Variants in KCNK13 observed in about 807,000 individuals in gnomAD.
KCNK13 encodes the protein potassium channel subfamily K member 13.
Under a neutral mutation model 23.4 loss-of-function variants are expected in KCNK13, and 12 were observed. The ratio of observed to expected loss-of-function variants is 0.51; its 90% CI spans 0.33 to 0.83. The LOEUF is 0.83. Ranked by LOEUF, KCNK13 falls within the 40% of genes least tolerant of loss-of-function variation. The pLI is 0.02. For missense variants in KCNK13, 463 were observed against 556.3 expected, an observed-to-expected ratio of 0.83 and a Z score of 1.69; for synonymous variants, 231 against 229.5, an observed-to-expected ratio of 1.01 and a Z score of -0.06.
In KCNK13 at chr14:90,062,387, G is replaced by T; in HGVS notation, c.182G>T (p.Ser61Ile). ...QRWEERLANFSRGHNLSRDEL... is the reference protein window; with the variant it reads ...QRWEERLANFIRGHNLSRDEL... ...TGGGAGGAGCGCCTGGCCAACTTCA[G>T]CCGCGGCCACAACCTGAGCCGCGAC... Residue 61 changes from serine (S) to isoleucine (I), a missense_variant, in exon 1 of 2, where the codon AGC becomes ATC. By Grantham distance (142) the Ser-to-Ile change is moderately radical. This residue lies in a region of KCNK13 where 153 missense variants were observed against 153.6 expected (regional missense o/e 1.00). Transcript: ENST00000282146. This position sits in a 1 kb window ranked among gnomAD's most constrained non-coding sequence, Gnocchi z 4.5. 1 of 1,550,334 alleles carries T rather than the reference G, an allele frequency of 6.5e-7. No individual in the cohort carries two copies.
intron 1 of KCNK13, among the ~76,000 whole-genome samples, chr14:90,076,120 A>T (rs1220744564): frequency 6.6e-6 from 1 of 152,246 alleles, no homozygotes; most frequent in Non-Finnish European, 1.5e-5. Context: ...GTCTCAAGGT[A>T]CTAGTGTTCC....
intron 1 of KCNK13, among the ~76,000 whole-genome samples, chr14:90,083,449 A>C (rs551118379): frequency 2.0e-5 from 3 of 152,190 alleles, no homozygotes; most frequent in Non-Finnish European, 2.9e-5. Context: ...ATTTTTGTGC[A>C]TGGTATGAAA....
At chr14:90,117,698 G>C (rs1889692980) in intron 1 of KCNK13, among the ~76,000 whole-genome samples, 1 of 152,140 alleles carries the variant, frequency 6.6e-6, no homozygotes, top group Non-Finnish European at 1.5e-5. Flanking sequence ...CTTACGTAAG[G>C]GGGGACCACT....
intron 1 of KCNK13, among the ~76,000 whole-genome samples, chr14:90,161,529 A>G (rs1333055516): frequency 6.6e-6 from 1 of 152,238 alleles, no homozygotes; most frequent in East Asian, 1.9e-4. Context: ...CATCTGCAAT[A>G]TCTACAAAAG....
chr14:90,080,712 C>T (rs369262163), intron 1 of KCNK13, among the ~76,000 whole-genome samples: 27 of 152,118 alleles, frequency 1.8e-4, no homozygotes, highest in African/African-American at 6.0e-4. Flanking sequence ...CAGGGTTCCC[C>T]GTTAGGATAC....
At chr14:90,105,391 G>A (rs1323818977) in intron 1 of KCNK13, among the ~76,000 whole-genome samples, 4 of 151,976 alleles carry the variant, frequency 2.6e-5, no homozygotes, top group East Asian at 1.9e-4. Context: ...TAGAGTCCTC[G>A]CCTGAAATCA....
chr14:90,062,549 C>T lies in KCNK13; in HGVS notation c.334+10C>T. 6.9e-7 allele frequency: 1 copy of T among 1,452,942 alleles called. No homozygotes were observed. Among genetic ancestry groups the T allele is most frequent in the East Asian group, 2.7e-5 (1 of 37,472 alleles). 90.0% of individuals were successfully genotyped at this position (1,452,942 alleles called of 1,614,324 possible). On this transcript the variant is annotated intron_variant, in intron 1 of 1. Coordinates refer to ENST00000282146, the MANE Select transcript of KCNK13 (RefSeq NM_022054.4). The surrounding 1 kb of genome is among the most constrained non-coding windows in gnomAD (Gnocchi z 4.5). ...GTCGTTTCCACCATAGGTAAGTGTG[C>T]TGGCCGGACTCGCTGACAACCTCCG...
chr14:90,165,824 C>T (rs956883771), intron 1 of KCNK13, among the ~76,000 whole-genome samples: 1 of 152,096 alleles, frequency 6.6e-6, no homozygotes, highest in East Asian at 1.9e-4. Context: ...CCTGGCTGAC[C>T]GTGAGGAGGG....
At chr14:90,107,172 A>G (rs748665884) in intron 1 of KCNK13, among the ~76,000 whole-genome samples, 2 of 152,074 alleles carry the variant, frequency 1.3e-5, no homozygotes, top group African/African-American at 2.4e-5. Flanking sequence ...GATGGTGCAC[A>G]TTTGGTTACT....
intron 1 of KCNK13, among the ~76,000 whole-genome samples, chr14:90,069,390 G>A (rs997524888): frequency 6.6e-6 from 1 of 152,068 alleles, no homozygotes; most frequent in African/African-American, 2.4e-5. Context: ...CTGTCCCGGG[G>A]TGTGGCCCAT....
At position 90,184,548 on chromosome 14, in the gene KCNK13, C is replaced by T. The variant is rs745700588; in HGVS notation, c.772C>T (p.Arg258Cys). The T allele has an allele frequency of 2.4e-5, 38 of 1,614,154 alleles. No individual in the cohort carries two copies. Among genetic ancestry groups the T allele is most frequent in the African/African-American group, 5.3e-5 (4 of 74,944 alleles). ...NAHYESQGLY[R>C]FANFVFILMG... ...CCACTATGAGAGCCAAGGCCTCTAT[C>T]GCTTTGCCAACTTCGTCTTCATCCT... Residue 258 changes from arginine (R) to cysteine (C), a missense_variant, in exon 2 of 2, where the codon CGC becomes TGC. Physicochemically the swap from Arg to Cys is radical, Grantham distance 180. Around this residue, in one of 3 missense-constraint regions of KCNK13, gnomAD observed 144 missense variants for 224.0 expected, o/e 0.64. Transcript: ENST00000282146. This position sits in a 1 kb window ranked among gnomAD's most constrained non-coding sequence, Gnocchi z 5.6.
At position 90,062,121 on chromosome 14, in the gene KCNK13, G is replaced by A. The variant is rs1888948291; in HGVS notation, c.-85G>A. On this transcript the variant is annotated 5_prime_UTR_variant, in exon 1 of 2. Coordinates refer to ENST00000282146, the MANE Select transcript of KCNK13 (RefSeq NM_022054.4). The surrounding 1 kb of genome is among the most constrained non-coding windows in gnomAD (Gnocchi z 4.5). ...GGCGCCCGGGAGCTGGCTGAGCGCC[G>A]GGGCCCTTATTTCCCGGGGGTGTGG... 1 of 905,274 alleles carries A rather than the reference G, an allele frequency of 1.1e-6. No homozygotes were observed. The highest frequency in any genetic ancestry group is 1.7e-5 in the African/African-American group (1 of 57,360). 56.1% of individuals were successfully genotyped at this position (905,274 alleles called of 1,614,324 possible).
intron 1 of KCNK13, among the ~76,000 whole-genome samples, chr14:90,105,844 G>C (rs557060295): frequency 6.6e-6 from 1 of 152,336 alleles, no homozygotes; most frequent in East Asian, 1.9e-4. Flanking sequence ...CAAAGGTTTT[G>C]TGCTTCCTAG....
At chr14:90,128,557 C>A (rs192586033) in intron 1 of KCNK13, among the ~76,000 whole-genome samples, 1 of 152,098 alleles carries the variant, frequency 6.6e-6, no homozygotes, top group Non-Finnish European at 1.5e-5. Context: ...AAAGGGCCAG[C>A]CCTCAGCACC....
At chr14:90,137,788 T>G (rs1889956479) in intron 1 of KCNK13, among the ~76,000 whole-genome samples, 1 of 152,218 alleles carries the variant, frequency 6.6e-6, no homozygotes, top group Non-Finnish European at 1.5e-5. Context: ...AGAATTTATT[T>G]TCCTACTCAG....
intron 1 of KCNK13, among the ~76,000 whole-genome samples, chr14:90,146,795 T>C (rs1228755055): frequency 6.6e-6 from 1 of 152,212 alleles, no homozygotes; most frequent in Non-Finnish European, 1.5e-5. Context: ...TGATTGTGTT[T>C]AAATATACCA....
chr14:90,072,367 T>A (rs1173583704), intron 1 of KCNK13, among the ~76,000 whole-genome samples: 1 of 152,070 alleles, frequency 6.6e-6, no homozygotes, highest in Non-Finnish European at 1.5e-5. Context: ...TAACGGGGTG[T>A]AGGACATTAG....
intron 1 of KCNK13, among the ~76,000 whole-genome samples, chr14:90,098,081 GC>G (rs1415964650): frequency 6.6e-6 from 1 of 152,130 alleles, no homozygotes; most frequent in African/African-American, 2.4e-5. Flanking sequence ...TCATGCATCT[GC>G]CTCATGTGTC....
chr14:90,088,159 T>A (rs1889303076), intron 1 of KCNK13, among the ~76,000 whole-genome samples: 1 of 152,204 alleles, frequency 6.6e-6, no homozygotes, highest in Non-Finnish European at 1.5e-5. Context: ...TGTGCCACCA[T>A]GCCTGGCTAA....
Sources: gnomAD v4.1 joint callset for allele counts (sites outside exome capture counted in the v4.1 genomes callset) on GRCh38, gnomAD v4.1.1 for gene constraint, gnomAD v4.1.1 regional missense constraint, Gnocchi (gnomAD v3.1) non-coding constraint, MANE v1.5 for transcripts, NCBI Gene and HGNC (gene_info 2026-07-23, HGNC 2026-07-21) for gene names.